Variants in MAPK10 observed in about 807,000 individuals in gnomAD.
The protein encoded by MAPK10 is mitogen-activated protein kinase 10, also known as JNK3 alpha protein kinase.
Under a neutral mutation model 59.3 loss-of-function variants are expected in MAPK10, and 25 were observed. The ratio of observed to expected loss-of-function variants is 0.42; its 90% CI spans 0.31 to 0.59. MAPK10 has a LOEUF of 0.59. Among genes scored for constraint, MAPK10 ranks in the 20% least tolerant of loss-of-function variants. The pLI is 0.15. For synonymous variants in MAPK10, 190 were observed against 200.5 expected (o/e 0.95, Z 0.44); for missense variants, 351 against 568.9 (o/e 0.62, Z 3.90).
intron 2 of MAPK10, among the ~76,000 whole-genome samples, chr4:86,338,923 C>A (rs976934154): frequency 2.6e-5 from 4 of 151,956 alleles, no homozygotes; most frequent in Non-Finnish European, 5.9e-5. Context: ...GTTTTACATT[C>A]AATTCTCTCA....
At chr4:86,447,769 C>T (rs564409744) in intron 1 of MAPK10, among the ~76,000 whole-genome samples, 1 of 152,088 alleles carries the variant, frequency 6.6e-6, no homozygotes, top group South Asian at 2.1e-4. Context: ...TTGAAGTTTT[C>T]TCCTAAAATG....
At chr4:86,037,079 G>A (rs752949430) in intron 11 of MAPK10, among the ~76,000 whole-genome samples, 3 of 152,036 alleles carry the variant, frequency 2.0e-5, no homozygotes, top group Non-Finnish European at 2.9e-5. Context: ...TATGGCTGTT[G>A]GCAGACAGTA....
chr4:86,570,102 T>A (rs1156977963), intron 1 of MAPK10, among the ~76,000 whole-genome samples: 1 of 151,968 alleles, frequency 6.6e-6, no homozygotes, highest in Non-Finnish European at 1.5e-5. Flanking sequence ...ACAAAACTTG[T>A]TTAAAGTTAC....
intron 1 of MAPK10, among the ~76,000 whole-genome samples, chr4:86,442,899 T>G (rs751223944): frequency 6.6e-6 from 1 of 152,186 alleles, no homozygotes; most frequent in Non-Finnish European, 1.5e-5. Context: ...GTAAGGAGCT[T>G]AGAAGTCAAA....
intron 1 of MAPK10, among the ~76,000 whole-genome samples, chr4:86,409,260 T>C (rs549800563): frequency 2.0e-5 from 3 of 152,312 alleles, no homozygotes; most frequent in Non-Finnish European, 2.9e-5. Context: ...TTAGTCTATA[T>C]ATCTGTTTTG....
intron 1 of MAPK10, among the ~76,000 whole-genome samples, chr4:86,525,541 C>T (rs1045408350): frequency 6.6e-6 from 1 of 152,136 alleles, no homozygotes; most frequent in Admixed American, 6.5e-5. Flanking sequence ...CAAAGTTATT[C>T]CTGGCTAACA....
intron 9 of MAPK10, among the ~76,000 whole-genome samples, chr4:86,089,730 T>C (rs1455459331): frequency 1.3e-5 from 2 of 152,152 alleles, no homozygotes; most frequent in Non-Finnish European, 2.9e-5. Flanking sequence ...AGAGTTTCTT[T>C]TATAAAACAC....
intron 1 of MAPK10, among the ~76,000 whole-genome samples, chr4:86,435,409 A>G (rs369139490): frequency 1.7e-3 from 260 of 152,186 alleles, no homozygotes; most frequent in Middle Eastern, 6.8e-3. Context: ...AGACAGTATA[A>G]TTGCTTAAAT....
intron 4 of MAPK10, chr4:86,127,492 T>A (rs935126956): frequency 6.6e-6 from 1 of 152,032 alleles, no homozygotes; most frequent in African/African-American, 2.4e-5. Flanking sequence ...TAATTCCATA[T>A]ACATGGAATT....
chr4:86,508,670 C>T (rs1362164056), intron 1 of MAPK10, among the ~76,000 whole-genome samples: 3 of 152,032 alleles, frequency 2.0e-5, no homozygotes, highest in Admixed American at 6.6e-5. Flanking sequence ...GCTCTTTTTC[C>T]CTTACTTGTT....
At chr4:86,501,110 A>G (rs1755275752) in intron 1 of MAPK10, among the ~76,000 whole-genome samples, 2 of 87,084 alleles carry the variant, frequency 2.3e-5, no homozygotes, top group South Asian at 9.8e-4. Flanking sequence ...ACTCTCTACG[A>G]TCTGAAAAAA....
rs2149076072 is a variant in MAPK10 at position 86,103,087 on chromosome 4, GT to G, written c.425+98del. Reference sequence around the variant, plus strand: ...AGGGATTTCAACTCTGTGTGTGTGTGTGTGTGTGTGTGTGTGTGTGTGTGTG... The same window carrying G: ...AGGGATTTCAACTCTGTGTGTGTGTGGTGTGTGTGTGTGTGTGTGTGTGTG... On this transcript the variant is annotated intron_variant, in intron 6 of 13. Coordinates refer to ENST00000641462, the MANE Select transcript of MAPK10 (RefSeq NM_138982.4). 22 of 722,620 alleles carry G rather than the reference GT, an allele frequency of 3.0e-5. No homozygotes were observed. The South Asian group carries it at 3.1e-4, about 10-fold the overall frequency. The allele number at this position is 722,620 out of a possible 1,614,324, so 44.8% of individuals were successfully genotyped here. A position where few individuals can be genotyped will look rare whatever the true frequency, so the allele number is the denominator to read the frequency against.
chr4:86,584,998 A>G (rs1273188087), intron 1 of MAPK10, among the ~76,000 whole-genome samples: 1 of 152,186 alleles, frequency 6.6e-6, no homozygotes, highest in Non-Finnish European at 1.5e-5. Flanking sequence ...TTTTAATCCA[A>G]TTCAAGCTGC....
chr4:86,063,427 G>T (rs999958480), intron 11 of MAPK10, among the ~76,000 whole-genome samples: 1 of 152,158 alleles, frequency 6.6e-6, no homozygotes, highest in African/African-American at 2.4e-5. Flanking sequence ...TTTAGCACAG[G>T]TACTCTAAGA....
At chr4:86,501,435 T>C (rs1361976563) in intron 1 of MAPK10, among the ~76,000 whole-genome samples, 1 of 152,106 alleles carries the variant, frequency 6.6e-6, no homozygotes, top group Non-Finnish European at 1.5e-5. Flanking sequence ...AATATCATTT[T>C]ATTGTGTGAC....
intron 9 of MAPK10, among the ~76,000 whole-genome samples, chr4:86,077,339 G>A (rs531365124): frequency 1.3e-5 from 2 of 152,130 alleles, no homozygotes; most frequent in South Asian, 2.1e-4. Context: ...CCTTTGTTAG[G>A]GAACTTTCTA....
intron 1 of MAPK10, among the ~76,000 whole-genome samples, chr4:86,536,215 T>C (rs1308869314): frequency 1.3e-5 from 2 of 152,244 alleles, no homozygotes; most frequent in Admixed American, 6.5e-5. Context: ...GGCAGTTTCT[T>C]ACATAATACT....
At chr4:86,240,058 C>T (rs770361841) in intron 2 of MAPK10, among the ~76,000 whole-genome samples, 1 of 152,158 alleles carries the variant, frequency 6.6e-6, no homozygotes, top group Non-Finnish European at 1.5e-5. Flanking sequence ...TCTTTGTTCT[C>T]ATTGGTTTCA....
At chr4:86,308,379 T>C (rs1489453646) in intron 2 of MAPK10, among the ~76,000 whole-genome samples, 1 of 152,214 alleles carries the variant, frequency 6.6e-6, no homozygotes, top group African/African-American at 2.4e-5. Context: ...TTATCCTATA[T>C]TTCTGCTATA....
Sources: allele counts gnomAD v4.1 joint callset (sites outside exome capture counted in the v4.1 genomes callset), GRCh38; gene constraint gnomAD v4.1.1; transcripts MANE v1.5; gene names NCBI Gene and HGNC (gene_info 2026-07-23, HGNC 2026-07-21).